The following TCF7L2 variants were observed in gnomAD, a reference collection of about 807,000 sequenced individuals.
The protein encoded by TCF7L2 is transcription factor 7 like 2, also known as transcription factor 7-like 2.
In TCF7L2, 23 loss-of-function variants were observed where a neutral mutation model predicts 77.9. The observed-to-expected ratio is 0.30, with a 90% CI of 0.21 to 0.42. TCF7L2 has a LOEUF of 0.42. TCF7L2 is among the 10% of genes least tolerant of loss of function. TCF7L2 has a pLI of 1.00. For synonymous variants in TCF7L2, 413 were observed against 340.2 expected, an observed-to-expected ratio of 1.21 and a Z score of -2.36; for missense variants, 654 against 793.1, an observed-to-expected ratio of 0.82 and a Z score of 2.11.
intron 11 of TCF7L2, among the ~76,000 whole-genome samples, 157 bp downstream of exon 11, chr10:113,152,597 A>G (rs2070992138): frequency 6.6e-6 from 1 of 152,168 alleles, no homozygotes; most frequent in African/African-American, 2.4e-5. Flanking sequence ...GGATCGCTAA[A>G]CTGCAGGGAG....
chr10:112,989,794 G>C (rs143030517), intron 4 of TCF7L2, among the ~76,000 whole-genome samples: 1 of 152,176 alleles, frequency 6.6e-6, no homozygotes, highest in Non-Finnish European at 1.5e-5. Context: ...TTGAGATTTA[G>C]ATCTAAAATG....
intron 5 of TCF7L2, among the ~76,000 whole-genome samples, chr10:113,088,716 G>C (rs929991628): frequency 6.6e-6 from 1 of 152,018 alleles, no homozygotes; most frequent in African/African-American, 2.4e-5. Flanking sequence ...CAACACTTTG[G>C]GAGGCCGAGA....
chr10:113,102,887 C>A (rs1343969110), intron 5 of TCF7L2, among the ~76,000 whole-genome samples: 3 of 152,026 alleles, frequency 2.0e-5, no homozygotes, highest in African/African-American at 7.3e-5. Flanking sequence ...ATTGTTTCAC[C>A]CTTACAGCTG....
At chr10:113,130,861 G>T (rs1299098115) in intron 5 of TCF7L2, among the ~76,000 whole-genome samples, 1 of 152,036 alleles carries the variant, frequency 6.6e-6, no homozygotes, top group Admixed American at 6.5e-5. Context: ...CACCTCCCGG[G>T]TTCAAGCAAT....
Position 113,151,476 on chromosome 10 carries a change from C to T in TCF7L2, c.1002-249C>T, listed in dbSNP as rs138211278. On this transcript the variant is annotated intron_variant, in intron 9 of 13. Coordinates refer to ENST00000627217, the MANE Select transcript of TCF7L2 (RefSeq NM_001146274.2). This position sits in a 1 kb window ranked among gnomAD's most constrained non-coding sequence, Gnocchi z 5.2. ...GTGAAGACAGCAACCATGTGCTTTC[C>T]CCTCTGGCTTGGGAAAATTGTATAT... 1.3e-3 allele frequency among the ~76,000 whole-genome samples: 197 copies of T among 152,192 alleles called. No individual in the cohort carries two copies. Among genetic ancestry groups the T allele is most frequent in the African/African-American group, 4.5e-3 (186 of 41,526 alleles).
intron 5 of TCF7L2, among the ~76,000 whole-genome samples, chr10:113,096,834 C>T (rs1324292952): frequency 2.0e-5 from 3 of 152,092 alleles, no homozygotes; most frequent in African/African-American, 7.2e-5. Flanking sequence ...AGCCAGCTCC[C>T]TCCAGAGGGG....
intron 4 of TCF7L2, among the ~76,000 whole-genome samples, chr10:113,030,551 A>G (rs1224318103): frequency 1.3e-5 from 2 of 152,218 alleles, no homozygotes; most frequent in African/African-American, 4.8e-5. Context: ...CACAAGATTG[A>G]TATTAAAGTG....
intron 4 of TCF7L2, 143 bp downstream of exon 4, chr10:112,964,767 T>C: frequency 2.3e-6 from 1 of 440,660 alleles, no homozygotes; most frequent in African/African-American, 3.1e-5. Context: ...GTGATGGTGG[T>C]GGTGGTGGTG....
intron 4 of TCF7L2, among the ~76,000 whole-genome samples, chr10:112,986,891 C>T (rs2041648021): frequency 6.6e-6 from 1 of 152,116 alleles, no homozygotes; most frequent in African/African-American, 2.4e-5. Context: ...ACAAGTCCAG[C>T]CTGTTTTATG....
intron 5 of TCF7L2, among the ~76,000 whole-genome samples, chr10:113,099,288 T>C (rs1195583058): frequency 6.6e-6 from 1 of 152,212 alleles, no homozygotes; most frequent in Non-Finnish European, 1.5e-5. Context: ...TTTTAGTCTT[T>C]CTCAGATGTC....
chr10:113,098,475 G>A (rs1275304045), intron 5 of TCF7L2, among the ~76,000 whole-genome samples: 1 of 152,138 alleles, frequency 6.6e-6, no homozygotes, highest in Admixed American at 6.5e-5. Context: ...GGGAGGCCGA[G>A]GCAGATGGAT....
chr10:112,961,833 G>A (rs985019628), intron 3 of TCF7L2, among the ~76,000 whole-genome samples: 2 of 151,786 alleles, frequency 1.3e-5, no homozygotes, highest in African/African-American at 4.8e-5. Flanking sequence ...GTGGCTGGGG[G>A]GTGGGGTGGG....
chr10:112,958,215 T>C (rs1025651194), intron 3 of TCF7L2, among the ~76,000 whole-genome samples: 1 of 152,144 alleles, frequency 6.6e-6, no homozygotes, highest in Non-Finnish European at 1.5e-5. Context: ...TTTATTCTTT[T>C]TGTCATGCAG....
At chr10:113,064,911 C>T (rs1591223958) in intron 5 of TCF7L2, among the ~76,000 whole-genome samples, 2 of 152,222 alleles carry the variant, frequency 1.3e-5, no homozygotes, top group East Asian at 3.8e-4. Flanking sequence ...GTAGGCCTTG[C>T]ACCTAAACTT....
intron 12 of TCF7L2, among the ~76,000 whole-genome samples, chr10:113,158,335 G>C (rs2072395512): frequency 1.3e-5 from 2 of 152,082 alleles, no homozygotes; most frequent in African/African-American, 4.8e-5. Context: ...TATAACTGGA[G>C]AGCAAGCGGT....
At chr10:113,049,521 G>T (rs1266037923) in intron 5 of TCF7L2, among the ~76,000 whole-genome samples, 1 of 151,948 alleles carries the variant, frequency 6.6e-6, no homozygotes, top group African/African-American at 2.4e-5. Context: ...ATTACCACTG[G>T]AGTCCAGTGC....
chr10:113,110,069 G>A (rs180730524), intron 5 of TCF7L2, among the ~76,000 whole-genome samples: 18 of 152,220 alleles, frequency 1.2e-4, no homozygotes, highest in East Asian at 1.9e-4. Flanking sequence ...TGTTAAACAC[G>A]TCAGTTATAT....
At chr10:113,141,518 C>T (rs1336639265) in intron 6 of TCF7L2, among the ~76,000 whole-genome samples, 1 of 152,148 alleles carries the variant, frequency 6.6e-6, no homozygotes, top group African/African-American at 2.4e-5. Context: ...TGGTTTTCCA[C>T]TCCCTTTGGA....
intron 4 of TCF7L2, among the ~76,000 whole-genome samples, chr10:113,039,035 G>T (rs1019065449): frequency 2.0e-5 from 3 of 152,190 alleles, no homozygotes; most frequent in African/African-American, 7.2e-5. Flanking sequence ...AAGCATAAAG[G>T]CTCGTCTCCA....
Sources: gnomAD v4.1 joint callset for allele counts (sites outside exome capture counted in the v4.1 genomes callset) on GRCh38, gnomAD v4.1.1 for gene constraint, Gnocchi (gnomAD v3.1) non-coding constraint, MANE v1.5 for transcripts, NCBI Gene and HGNC (gene_info 2026-07-23, HGNC 2026-07-21) for gene names.